PHAX: variants seen among roughly 807,000 people sequenced by gnomAD.
PHAX encodes phosphorylated adapter RNA export protein.
A neutral mutation model predicts 41.6 loss-of-function variants in PHAX; 31 were observed. That is an observed-to-expected ratio of 0.75 (90% CI 0.56 to 1.01). The LOEUF is 1.01. Among genes scored for constraint, PHAX ranks in the 50% least tolerant of loss-of-function variants. The probability of loss-of-function intolerance (pLI) is 0.00; values close to 1 mark genes in which losing one functional copy is unlikely to be tolerated. For missense variants in PHAX, 453 were observed against 472.9 expected (o/e 0.96, Z 0.39); for synonymous variants, 175 against 164.9 (o/e 1.06, Z -0.47).
Position 126,617,304 on chromosome 5 carries a change from A to G in PHAX, c.886A>G (p.Thr296Ala). 6.2e-7 allele frequency: 1 copy of G among 1,609,972 alleles called. No homozygotes were observed. The highest frequency in any genetic ancestry group is 1.1e-5 in the South Asian group (1 of 90,814). The change falls in exon 4 of 5, where the codon ACT becomes GCT. Residue 296 changes from threonine to alanine, a missense_variant. Transcript: ENST00000297540. ...AGTTTTTCTGAATCTCTTGAAAAAC[A>G]CTCCTAGTATCAGCGAGGAACAAAT... Reference protein sequence around the residue: ...GGVFLNLLKNTPSISEEQIKD... With the variant: ...GGVFLNLLKNAPSISEEQIKD...
At chr5:126,610,252 C>T (rs954546886) in intron 3 of PHAX, among the ~76,000 whole-genome samples, 4 of 152,222 alleles carry the variant, frequency 2.6e-5, no homozygotes. Flanking sequence ...GGCCAGATCA[C>T]GAGCACTGGC....
At position 126,625,341 on chromosome 5, in the gene PHAX, A is replaced by G. The variant is rs1138215; in HGVS notation, c.*497A>G. ...GCCAGGCACGGTGGCTCACGCCTGT[A>G]ATCCCAACACTTTAGGAGACCAAGG... On this transcript the variant is annotated 3_prime_UTR_variant, in exon 5 of 5. Transcript: ENST00000297540. The G allele has an allele frequency of 5.8e-5, 9 of 154,078 alleles. No individual in the cohort carries two copies. The highest frequency in any genetic ancestry group is 3.3e-4 in the Admixed American group (5 of 15,348). 9.5% of individuals were successfully genotyped at this position (154,078 alleles called of 1,614,324 possible). A position where few individuals can be genotyped will look rare whatever the true frequency, so the allele number is the denominator to read the frequency against.
intron 2 of PHAX, among the ~76,000 whole-genome samples, chr5:126,607,939 A>G (rs1002440172): frequency 6.6e-6 from 1 of 152,174 alleles, no homozygotes; most frequent in East Asian, 1.9e-4. Flanking sequence ...GGAGTCTATG[A>G]GGGAAAGGTC....
In PHAX at chr5:126,626,156, G is replaced by A. The variant is rs1247899213; in HGVS notation, c.*1312G>A. ...ACACTTTGGGAGGCCAAGAGAGGAA[G>A]ATTGCTTGAGCCCAGGAGTTTGAGA... On this transcript the variant is annotated 3_prime_UTR_variant, in exon 5 of 5. Coordinates refer to ENST00000297540, the MANE Select transcript of PHAX (RefSeq NM_032177.4). 1 of 151,968 alleles carries A rather than the reference G, an allele frequency of 6.6e-6. No homozygotes were observed. The highest frequency in any genetic ancestry group is 1.5e-5 in the Non-Finnish European group (1 of 68,050). The allele number at this position is 151,968 out of a possible 1,614,324, so 9.4% of individuals were successfully genotyped here.
Position 126,603,997 on chromosome 5 carries a change from T to A in PHAX, c.524T>A (p.Leu175Gln). The change falls in exon 2 of 5, where the codon CTA becomes CAA. Residue 175 changes from leucine (L) to glutamine (Q), a missense_variant. Transcript: ENST00000297540. ...CATACAAAAGATCTAGACAAGGAAC[T>A]AGATGAATATATGCATGGTGGCAAA... ...QEHTKDLDKE[L>Q]DEYMHGGKKM... The A allele has an allele frequency of 6.2e-7, 1 of 1,613,848 alleles. No homozygotes were observed. The highest frequency in any genetic ancestry group is 1.6e-4 in the Middle Eastern group (1 of 6,062).
chr5:126,619,163 G>A (rs1752232710), intron 4 of PHAX, among the ~76,000 whole-genome samples: 1 of 152,184 alleles, frequency 6.6e-6, no homozygotes, highest in African/African-American at 2.4e-5. Flanking sequence ...CTGGGCTCAA[G>A]CAGTCCTCCC....
rs781356099 is a variant in PHAX, at chr5:126,608,354, T to G, written c.711-10T>G. On this transcript the variant is annotated splice_polypyrimidine_tract_variant and intron_variant, in intron 2 of 4. Transcript: ENST00000297540. The stretch of plus-strand genomic sequence containing the variant: ...AAACAAAGAGGATAATTTTACTTGT[T>G]TCTCATCAGGTTACAGGAACCAAAG... 3 of 1,611,342 alleles carry G rather than the reference T, an allele frequency of 1.9e-6. No individual in the cohort carries two copies.
chr5:126,601,053 T>C lies in PHAX; in HGVS notation c.91T>C (p.Leu31=), dbSNP rs745745154. ...TVAPSDRPLQ[L]PKVLGGDSAM... ...CGCACCCAGCGACAGGCCGCTGCAATTGCCAGTGAGTGTGAAAGGAGGGTG... is the reference window on the plus strand; with the variant it reads ...CGCACCCAGCGACAGGCCGCTGCAACTGCCAGTGAGTGTGAAAGGAGGGTG... The change falls in exon 1 of 5, where the codon TTG becomes CTG. Residue 31 remains leucine, a synonymous_variant. Transcript: ENST00000297540. 4 of 1,605,006 alleles carry C rather than the reference T, an allele frequency of 2.5e-6. No homozygotes were observed. In the East Asian group the frequency reaches 6.8e-5, roughly 27 times the overall value.
rs113506836 is a variant in PHAX at position 126,608,958 on chromosome 5, G to GAA, written c.831+482_831+483dup. 4.7e-5 allele frequency among the ~76,000 whole-genome samples: 7 copies of GAA among 148,508 alleles called. No individual in the cohort carries two copies. In the East Asian group the frequency reaches 1.4e-3, roughly 29 times the overall value. On this transcript the variant is annotated intron_variant, in intron 3 of 4. Transcript: ENST00000297540. ...GTCTCAAAAAAAAAAAGAATAAAAAGAAAAAAAAATTAGTACAGTTGTTTT... is the reference window on the plus strand; with the variant it reads ...GTCTCAAAAAAAAAAAGAATAAAAAGAAAAAAAAAAATTAGTACAGTTGTTTT...
At chr5:126,604,267 T>C in intron 2 of PHAX, 84 bp downstream of exon 2, 3 of 1,083,932 alleles carry the variant, frequency 2.8e-6, no homozygotes, top group African/African-American at 3.7e-5. Context: ...ACTTTAATGA[T>C]ATGTTCCTTT....
chr5:126,600,988 A>G lies in PHAX; in HGVS notation c.26A>G (p.Glu9Gly), dbSNP rs1374668366. 2 of 1,604,058 alleles carry G rather than the reference A, an allele frequency of 1.2e-6. No homozygotes were observed. Among genetic ancestry groups the G allele is most frequent in the East Asian group, 2.3e-5 (1 of 43,344 alleles). Residue 9 changes from glutamate (E) to glycine (G), a missense_variant, in exon 1 of 5, where the codon GAA becomes GGA. Transcript: ENST00000297540. ...ATGGCGTTGGAGGTCGGCGATATGG[A>G]AGATGGGCAGCTTTCCGACTCGGAT... is the stretch of plus-strand genomic sequence containing the variant. Reference protein sequence around the residue: MALEVGDMEDGQLSDSDSD... With the variant: MALEVGDMGDGQLSDSDSD...
Position 126,603,773 on chromosome 5 carries a change from C to T in PHAX, c.300C>T (p.Gly100=), listed in dbSNP as rs1283571777. 13 of 1,613,928 alleles carry T rather than the reference C, an allele frequency of 8.1e-6. No individual in the cohort carries two copies. In the East Asian group the frequency reaches 8.9e-5, roughly 11 times the overall value. The change falls in exon 2 of 5, where the codon GGC becomes GGT. Residue 100 remains glycine (G), a synonymous_variant. Transcript: ENST00000297540. ...PPPKPEPFQF[G]QSSQKPPVAG... is the part of the protein sequence containing the mutation. ...CCAAACCAGAGCCTTTTCAGTTTGG[C>T]CAGAGCAGTCAGAAACCACCTGTTG...
intron 3 of PHAX, among the ~76,000 whole-genome samples, chr5:126,615,069 C>T (rs895103351): frequency 4.6e-5 from 7 of 151,950 alleles, no homozygotes; most frequent in African/African-American, 1.7e-4. Flanking sequence ...CTTGTTTTTA[C>T]ACAAATGGTC....
At chr5:126,607,593 G>A (rs1302989757) in intron 2 of PHAX, among the ~76,000 whole-genome samples, 1 of 151,882 alleles carries the variant, frequency 6.6e-6, no homozygotes, top group African/African-American at 2.4e-5. Context: ...TGTAAAGACG[G>A]GGTTTCTCCA....
rs1331013625 is a variant in PHAX at position 126,625,889 on chromosome 5, CTT to C, written c.*1047_*1048del. 1.3e-5 allele frequency: 2 copies of C among 151,960 alleles called. No homozygotes were observed. Among genetic ancestry groups the C allele is most frequent in the Non-Finnish European group, 2.9e-5 (2 of 68,020 alleles). 9.4% of individuals were successfully genotyped at this position (151,960 alleles called of 1,614,324 possible). ...CTGATTTTTGTATTTTTAGTAAAGA[CTT>C]TCGCCATGTTGTCCAGGCTGGTCTC... On this transcript the variant is annotated 3_prime_UTR_variant, in exon 5 of 5. Coordinates refer to ENST00000297540, the MANE Select transcript of PHAX (RefSeq NM_032177.4).
At position 126,617,297 on chromosome 5, in the gene PHAX, G is replaced by C. The variant is rs766963985; in HGVS notation, c.879G>C (p.Leu293Phe). 1.2e-6 allele frequency: 2 copies of C among 1,610,738 alleles called. No homozygotes were observed. The highest frequency in any genetic ancestry group is 1.7e-6 in the Non-Finnish European group (2 of 1,177,680). The change falls in exon 4 of 5, where the codon TTG becomes TTC. Residue 293 changes from leucine to phenylalanine, a missense_variant. Coordinates refer to ENST00000297540, the MANE Select transcript of PHAX (RefSeq NM_032177.4). ...RTPGGVFLNLLKNTPSISEEQ... is the reference protein window; with the variant it reads ...RTPGGVFLNLFKNTPSISEEQ... ...CAGGTGGAGTTTTTCTGAATCTCTT[G>C]AAAAACACTCCTAGTATCAGCGAGG...
intron 4 of PHAX, among the ~76,000 whole-genome samples, chr5:126,622,936 G>A (rs1286222930): frequency 6.6e-6 from 1 of 151,960 alleles, no homozygotes; most frequent in Non-Finnish European, 1.5e-5. Flanking sequence ...GACCAGCCTG[G>A]GCAACATGGA....
chr5:126,616,836 G>A (rs976116786), intron 3 of PHAX, among the ~76,000 whole-genome samples: 23 of 149,500 alleles, frequency 1.5e-4, no homozygotes, highest in Admixed American at 1.1e-3. Flanking sequence ...AGCCGAGATC[G>A]CGCCATTTCA....
At position 126,627,115 on chromosome 5, in the gene PHAX, TACAG is replaced by T. The variant is rs1186872435; in HGVS notation, c.*2276_*2279del. On this transcript the variant is annotated 3_prime_UTR_variant, in exon 5 of 5. Transcript: ENST00000297540. Reference sequence around the variant, plus strand: ...AATTCAGCAATTATAAACTGTTCCTTACAGACAGTGTACTTGAAGTCTTTTGGTA... The same window carrying T: ...AATTCAGCAATTATAAACTGTTCCTTACAGTGTACTTGAAGTCTTTTGGTA... 1 of 152,212 alleles carries T rather than the reference TACAG, an allele frequency of 6.6e-6. No homozygotes were observed. The highest frequency in any genetic ancestry group is 1.5e-5 in the Non-Finnish European group (1 of 68,032). The allele number at this position is 152,212 out of a possible 1,614,324, so 9.4% of individuals were successfully genotyped here.
Sources: gnomAD v4.1 joint callset for allele counts (sites outside exome capture counted in the v4.1 genomes callset) on GRCh38, gnomAD v4.1.1 for gene constraint, MANE v1.5 for transcripts, NCBI Gene and HGNC (gene_info 2026-07-23, HGNC 2026-07-21) for gene names.